Variants in TTBK2 observed in about 807,000 individuals in gnomAD.
TTBK2 encodes tau tubulin kinase 2, also known as tau-tubulin kinase 2.
In TTBK2, 28 loss-of-function variants were observed where a neutral mutation model predicts 110.8. That is an observed-to-expected ratio of 0.25 (90% CI 0.19 to 0.35). The LOEUF is 0.35. TTBK2 is among the 10% of genes least tolerant of loss of function. TTBK2 has a pLI of 1.00. For synonymous variants in TTBK2, 532 were observed against 527.3 expected (o/e 1.01, Z -0.12); for missense variants, 1,369 against 1,500.3 (o/e 0.91, Z 1.45).
At position 42,821,744 on chromosome 15, in the gene TTBK2, C is replaced by T. The variant is rs546399852; in HGVS notation, c.538-4647G>A. ...CTCACTCTGTCTCCAGGCTGGAGTG[C>T]GGTGGCGTGATCTTGGCTCACTGCA... On this transcript the variant is annotated intron_variant, in intron 6 of 14. Transcript: ENST00000267890. 4.7e-5 allele frequency among the ~76,000 whole-genome samples: 7 copies of T among 148,888 alleles called. No individual in the cohort carries two copies. In the South Asian group the frequency reaches 6.3e-4, roughly 13 times the overall value.
chr15:42,871,330 C>T, intron 3 of TTBK2: 1 of 488,860 alleles, frequency 2.0e-6, no homozygotes, highest in Non-Finnish European at 2.7e-6. Context: ...CTAACTCATT[C>T]ATAAAAGGTA....
intron 2 of TTBK2, among the ~76,000 whole-genome samples, chr15:42,874,061 T>C (rs375104718): frequency 6.6e-6 from 1 of 152,220 alleles, no homozygotes; most frequent in Admixed American, 6.5e-5. Context: ...ACTTGTATTA[T>C]TGCCTTGTAT....
In TTBK2 at chr15:42,920,494, C is replaced by G. The variant is rs1478491570; in HGVS notation, c.-124G>C. On this transcript the variant is annotated 5_prime_UTR_variant, in exon 1 of 15. Transcript: ENST00000267890. Reference sequence around the variant, plus strand: ...GGAGGGCTCTGGTCCAGCTCAGGACCGGGACCGGCGGGGGTTAACCCTCGG... The same window carrying G: ...GGAGGGCTCTGGTCCAGCTCAGGACGGGGACCGGCGGGGGTTAACCCTCGG... 1 of 152,600 alleles carries G rather than the reference C, an allele frequency of 6.6e-6. No individual in the cohort carries two copies. Among genetic ancestry groups the G allele is most frequent in the East Asian group, 1.9e-4 (1 of 5,186 alleles). 9.5% of individuals were successfully genotyped at this position (152,600 alleles called of 1,614,324 possible). A position where few individuals can be genotyped will look rare whatever the true frequency, so the allele number is the denominator to read the frequency against.
intron 11 of TTBK2, among the ~76,000 whole-genome samples, chr15:42,780,182 C>T (rs945466483): frequency 8.4e-5 from 12 of 142,806 alleles, no homozygotes; most frequent in Non-Finnish European, 1.7e-4. Flanking sequence ...CCAACATGCC[C>T]GGCTAACTTT....
chr15:42,887,642 A>G (rs1895296580), intron 1 of TTBK2, among the ~76,000 whole-genome samples: 1 of 152,126 alleles, frequency 6.6e-6, no homozygotes, highest in African/African-American at 2.4e-5. Context: ...TGTTTTGCCT[A>G]TCCACCCTGT....
chr15:42,790,459 A>G (rs902970677), intron 10 of TTBK2, among the ~76,000 whole-genome samples: 2 of 148,326 alleles, frequency 1.3e-5, no homozygotes, highest in African/African-American at 5.0e-5. Flanking sequence ...TAATTTTTGT[A>G]TTTTTTGTAG....
At chr15:42,893,329 A>G (rs1895536845) in intron 1 of TTBK2, among the ~76,000 whole-genome samples, 1 of 152,014 alleles carries the variant, frequency 6.6e-6, no homozygotes, top group East Asian at 1.9e-4. Flanking sequence ...CCCTGTTACT[A>G]CAAAAATTTT....
chr15:42,766,385 C>T (rs1889372205), intron 13 of TTBK2, among the ~76,000 whole-genome samples: 1 of 141,434 alleles, frequency 7.1e-6, no homozygotes, highest in Non-Finnish European at 1.5e-5. Flanking sequence ...ATCTCACGTG[C>T]ACAGACACAC....
intron 6 of TTBK2, among the ~76,000 whole-genome samples, chr15:42,817,331 C>A (rs1892082564): frequency 6.6e-6 from 1 of 150,998 alleles, no homozygotes; most frequent in East Asian, 1.9e-4. Context: ...TTTTTCCTAC[C>A]TACATTTTAA....
chr15:42,798,402 A>C (rs1018113777), intron 9 of TTBK2: 6 of 400,952 alleles, frequency 1.5e-5, no homozygotes, highest in Admixed American at 9.0e-5. Context: ...TCCTTATTTT[A>C]CTTAATAATA....
At chr15:42,857,733 C>T (rs1893999492) in intron 3 of TTBK2, among the ~76,000 whole-genome samples, 1 of 151,868 alleles carries the variant, frequency 6.6e-6, no homozygotes, top group East Asian at 1.9e-4. Context: ...AACTTTCATA[C>T]AATTTTTTTT....
rs773259776 is a variant in TTBK2 at position 42,775,414 on chromosome 15, T to C, written c.1719A>G (p.Lys573=). The part of the protein sequence containing the change: ...DFRTNEAVGH[K]TTGSPSDEEP... ...CCTCATCAGAAGGACTTCCAGTTGT[T>C]TTATGTCCTACAGCCTCATTTGTCC... Residue 573 remains lysine (K), a synonymous_variant, in exon 13 of 15, where the codon AAA becomes AAG. Transcript: ENST00000267890. 3 of 1,614,110 alleles carry C rather than the reference T, an allele frequency of 1.9e-6. No homozygotes were observed. Among genetic ancestry groups the C allele is most frequent in the Admixed American group, 3.3e-5 (2 of 59,998 alleles).
chr15:42,830,175 A>G, intron 4 of TTBK2, 97 bp from the exon 5 acceptor site: 1 of 1,476,708 alleles, frequency 6.8e-7, no homozygotes, highest in East Asian at 2.4e-5. Context: ...AGATGTTTTC[A>G]GCAAAATAGC....
At chr15:42,868,390 A>G (rs1385855046) in intron 3 of TTBK2, among the ~76,000 whole-genome samples, 1 of 152,176 alleles carries the variant, frequency 6.6e-6, no homozygotes, top group African/African-American at 2.4e-5. Flanking sequence ...AGGTTCATCA[A>G]TTGTAACAAA....
At chr15:42,811,632 T>C (rs1458320242) in intron 8 of TTBK2, 56 bp downstream of exon 8, 1 of 1,424,630 alleles carries the variant, frequency 7.0e-7, no homozygotes, top group African/African-American at 1.4e-5. Context: ...AAATGTTTAT[T>C]CAGCAGAAAT....
intron 1 of TTBK2, among the ~76,000 whole-genome samples, chr15:42,913,587 G>A (rs1596054956): frequency 2.0e-5 from 3 of 151,686 alleles, no homozygotes; most frequent in South Asian, 2.1e-4. Context: ...GCAGTGAGCC[G>A]AGATCACGCC....
rs1273025129 is a variant in TTBK2 at position 42,744,185 on chromosome 15, T to C, written c.*1610A>G. The C allele has an allele frequency of 6.6e-6, 1 of 152,216 alleles. No homozygotes were observed. Among genetic ancestry groups the C allele is most frequent in the Non-Finnish European group, 1.5e-5 (1 of 68,028 alleles). 9.4% of individuals were successfully genotyped at this position (152,216 alleles called of 1,614,324 possible). On this transcript the variant is annotated 3_prime_UTR_variant, in exon 15 of 15. Transcript: ENST00000267890. ...ATTCCACACTATGCTACATTTCTTATAAGAGACGTTATATGCCTCAATAGT... is the reference window on the plus strand; with the variant it reads ...ATTCCACACTATGCTACATTTCTTACAAGAGACGTTATATGCCTCAATAGT...
intron 4 of TTBK2, among the ~76,000 whole-genome samples, chr15:42,836,811 A>G (rs1893002588): frequency 6.6e-6 from 1 of 152,212 alleles, no homozygotes; most frequent in Non-Finnish European, 1.5e-5. Flanking sequence ...TTACTGCCTA[A>G]AGAATACTGG....
At chr15:42,854,273 T>A in intron 3 of TTBK2, among the ~76,000 whole-genome samples, 1 of 152,210 alleles carries the variant, frequency 6.6e-6, no homozygotes, top group Admixed American at 6.5e-5. Context: ...CATTTTGTTA[T>A]GCTCAAGTAA....
Sources: allele counts gnomAD v4.1 joint callset (sites outside exome capture counted in the v4.1 genomes callset), GRCh38; gene constraint gnomAD v4.1.1; transcripts MANE v1.5; gene names NCBI Gene and HGNC (gene_info 2026-07-23, HGNC 2026-07-21).